PKP1: variants seen among roughly 807,000 people sequenced by gnomAD.
The protein encoded by PKP1 is plakophilin 1.
In PKP1, 27 loss-of-function variants were observed where a neutral mutation model predicts 76.4. That is an observed-to-expected ratio of 0.35 (90% confidence interval 0.26 to 0.49). The LOEUF is 0.49. Ranked by LOEUF, PKP1 falls within the 20% of genes least tolerant of loss-of-function variation. The pLI, the probability that PKP1 is intolerant of heterozygous loss-of-function variation, is 0.99. For missense variants in PKP1, 964 were observed against 955.2 expected, an observed-to-expected ratio of 1.01 and a Z score of -0.12; for synonymous variants, 404 against 384.2, an observed-to-expected ratio of 1.05 and a Z score of -0.60.
intron 2 of PKP1, among the ~76,000 whole-genome samples, chr1:201,312,365 T>C (rs569007715): frequency 6.5e-4 from 99 of 152,326 alleles, no homozygotes; most frequent in African/African-American, 2.3e-3. Flanking sequence ...GAGAAGCTGC[T>C]GGTGTCTGGG....
chr1:201,284,029 AG>A lies in PKP1; in HGVS notation c.202+128del. 5 of 894,892 alleles carry A rather than the reference AG, an allele frequency of 5.6e-6. No homozygotes were observed. The South Asian group carries it at 7.1e-5, about 13-fold the overall frequency. 55.4% of individuals were successfully genotyped at this position (894,892 alleles called of 1,614,324 possible). On this transcript the variant is annotated intron_variant, in intron 1 of 13. Coordinates refer to ENST00000367324, the MANE Select transcript of PKP1 (RefSeq NM_001005337.3). ...AGGCGAGGGGCTGCCGGCCCCAGGC[AG>A]GGTCTACGCACCTAGTGCGAGCAGC...
chr1:201,291,130 C>T (rs1457180923), intron 1 of PKP1, among the ~76,000 whole-genome samples: 1 of 152,188 alleles, frequency 6.6e-6, no homozygotes, highest in East Asian at 1.9e-4. Context: ...TGTGTGACAA[C>T]TATGGACTTT....
At chr1:201,315,291 G>C (rs771407365) in intron 3 of PKP1, among the ~76,000 whole-genome samples, 3 of 152,252 alleles carry the variant, frequency 2.0e-5, no homozygotes, top group Admixed American at 1.3e-4. Context: ...GCAGGCAGCA[G>C]TACTACTTAC....
intron 1 of PKP1, among the ~76,000 whole-genome samples, chr1:201,284,106 C>G (rs921306656): frequency 6.6e-6 from 1 of 152,176 alleles, no homozygotes; most frequent in Non-Finnish European, 1.5e-5. Context: ...GAGGCTGGCT[C>G]GACGGCCCCG....
At chr1:201,305,585 T>C (rs952412706) in intron 2 of PKP1, among the ~76,000 whole-genome samples, 3 of 152,212 alleles carry the variant, frequency 2.0e-5, no homozygotes, top group African/African-American at 7.2e-5. Flanking sequence ...GGACCTCTTT[T>C]CTGGGCCAGG....
chr1:201,305,148 GCTT>G (rs1469410671), intron 2 of PKP1, among the ~76,000 whole-genome samples: 29 of 152,178 alleles, frequency 1.9e-4, no homozygotes, highest in Non-Finnish European at 3.1e-4. Context: ...ATGCACGCAT[GCTT>G]CTCTTCCAAA....
At chr1:201,323,304 C>T in intron 9 of PKP1, 115 bp downstream of exon 9, 1 of 955,026 alleles carries the variant, frequency 1.0e-6, no homozygotes, top group Non-Finnish European at 1.7e-6. Flanking sequence ...CTCCCATGAG[C>T]AGAGTGTGCC....
chr1:201,328,974 C>G (rs1002665650), intron 13 of PKP1, 106 bp downstream of exon 13: 31 of 787,856 alleles, frequency 3.9e-5, no homozygotes, highest in Non-Finnish European at 6.8e-5. Context: ...ACAGAAGCAT[C>G]CTTTTGCCTG....
intron 12 of PKP1, among the ~76,000 whole-genome samples, chr1:201,327,090 G>A (rs1192041880): frequency 6.6e-6 from 1 of 152,216 alleles, no homozygotes; most frequent in Non-Finnish European, 1.5e-5. Context: ...TGCTGCAGTG[G>A]GCAAGGCAGT....
chr1:201,324,809 C>A, intron 10 of PKP1, 132 bp from the exon 11 acceptor site: 1 of 1,064,696 alleles, frequency 9.4e-7, no homozygotes, highest in Non-Finnish European at 1.4e-6. Context: ...TTGGAGCTGC[C>A]AGGAAGCCCT....
At chr1:201,321,898 T>C in intron 7 of PKP1, 80 bp from the exon 8 acceptor site, 2 of 1,539,398 alleles carry the variant, frequency 1.3e-6, no homozygotes, top group South Asian at 1.1e-5. Context: ...TCTGCTCTCT[T>C]ATTAGCTAGG....
chr1:201,294,457 A>G (rs1336093571), intron 2 of PKP1, among the ~76,000 whole-genome samples: 1 of 152,220 alleles, frequency 6.6e-6, no homozygotes, highest in East Asian at 1.9e-4. Flanking sequence ...CCAAGAGAAC[A>G]TGTCCACTGC....
chr1:201,306,053 C>T (rs896982067), intron 2 of PKP1, among the ~76,000 whole-genome samples: 5 of 152,192 alleles, frequency 3.3e-5, no homozygotes, highest in East Asian at 1.9e-4. Flanking sequence ...AAGTGGCAAA[C>T]GCCTGCCAGG....
chr1:201,287,160 G>A (rs777336978), intron 1 of PKP1, among the ~76,000 whole-genome samples: 3 of 152,144 alleles, frequency 2.0e-5, no homozygotes, highest in Non-Finnish European at 4.4e-5. Flanking sequence ...CTTCATAGAA[G>A]TACTGTTTCC....
At chr1:201,285,956 C>G (rs1273852998) in intron 1 of PKP1, among the ~76,000 whole-genome samples, 1 of 152,260 alleles carries the variant, frequency 6.6e-6, no homozygotes, top group African/African-American at 2.4e-5. Flanking sequence ...CCCTCAGACT[C>G]TGCGGAGGTT....
intron 2 of PKP1, among the ~76,000 whole-genome samples, chr1:201,305,605 GC>G (rs1158500091): frequency 6.6e-6 from 1 of 152,168 alleles, no homozygotes; most frequent in African/African-American, 2.4e-5. Context: ...GTAAGCACCT[GC>G]CCTTCAGGAT....
chr1:201,300,384 C>T (rs970478576), intron 2 of PKP1, among the ~76,000 whole-genome samples: 1 of 152,250 alleles, frequency 6.6e-6, no homozygotes, highest in South Asian at 2.1e-4. Context: ...CAGAGTGGCT[C>T]TGCTTCCCCT....
rs1655641316 is a variant in PKP1 at position 201,283,726 on chromosome 1, C to T, written c.24C>T (p.Thr8=). The T allele has an allele frequency of 1.2e-6, 2 of 1,614,064 alleles. No homozygotes were observed. Among genetic ancestry groups the T allele is most frequent in the Non-Finnish European group, 1.7e-6 (2 of 1,179,930 alleles). MNHSPLK[T]ALAYECFQDQ... is the part of the protein sequence containing the mutation. ...CCATGAACCACTCGCCGCTCAAGAC[C>T]GCCTTGGCGTACGAATGCTTCCAGG... The change falls in exon 1 of 14, where the codon ACC becomes ACT. Residue 8 remains threonine (T), a synonymous_variant. Transcript: ENST00000367324.
chr1:201,305,774 A>G (rs969671282), intron 2 of PKP1, among the ~76,000 whole-genome samples: 8 of 152,250 alleles, frequency 5.3e-5, no homozygotes, highest in African/African-American at 1.9e-4. Flanking sequence ...CTGACCCTCA[A>G]GGGTGCTCTT....
Sources: gnomAD v4.1 joint callset for allele counts (sites outside exome capture counted in the v4.1 genomes callset) on GRCh38, gnomAD v4.1.1 for gene constraint, MANE v1.5 for transcripts, NCBI Gene and HGNC (gene_info 2026-07-23, HGNC 2026-07-21) for gene names.